The following GPHN variants were observed in gnomAD, a reference collection of about 807,000 sequenced individuals.
GPHN encodes gephyrin.
In GPHN, 17 loss-of-function variants were observed where a neutral mutation model predicts 95.5. The ratio of observed to expected loss-of-function variants is 0.18; its 90% CI spans 0.12 to 0.27. GPHN has a LOEUF of 0.27. GPHN is among the 10% of genes least tolerant of loss of function. The probability of loss-of-function intolerance (pLI) is 1.00; values close to 1 mark genes in which losing one functional copy is unlikely to be tolerated. For synonymous variants in GPHN, 320 were observed against 322.5 expected, an observed-to-expected ratio of 0.99 and a Z score of 0.08; for missense variants, 660 against 978.1, an observed-to-expected ratio of 0.67 and a Z score of 4.34.
chr14:66,851,055 A>C (rs1305993929), intron 4 of GPHN, among the ~76,000 whole-genome samples: 1 of 152,064 alleles, frequency 6.6e-6, no homozygotes, highest in Non-Finnish European at 1.5e-5. Context: ...ATTCTGCCTG[A>C]GGGACTTACT....
the GPHN span, among the ~76,000 whole-genome samples, chr14:67,655,281 TG>T: frequency 8.5e-5 from 13 of 152,058 alleles, no homozygotes; most frequent in Non-Finnish European, 1.8e-4. Flanking sequence ...AAGTTAAAAT[TG>T]CACTGCTGCA....
chr14:67,245,775 T>G, the GPHN span, among the ~76,000 whole-genome samples: 1 of 152,196 alleles, frequency 6.6e-6, no homozygotes, highest in Non-Finnish European at 1.5e-5. Flanking sequence ...ATTTTATATT[T>G]TGAGAAAGTC....
At chr14:66,576,497 A>G (rs952939809) in intron 1 of GPHN, among the ~76,000 whole-genome samples, 16 of 151,578 alleles carry the variant, frequency 1.1e-4, no homozygotes, top group African/African-American at 3.9e-4. Flanking sequence ...TTTTTTTTAA[A>G]TCTTGGAAAT....
the GPHN span, among the ~76,000 whole-genome samples, chr14:67,478,214 G>A: frequency 6.6e-6 from 1 of 152,174 alleles, no homozygotes. Context: ...TTCTTCTCAT[G>A]GCAAGGGCAG....
intron 1 of GPHN, among the ~76,000 whole-genome samples, chr14:66,641,352 A>G (rs1952070): frequency 0.31 from 47,237 of 152,082 alleles, 11,184 homozygotes; most frequent in African/African-American, 0.64. Context: ...CCAACACTCT[A>G]TAGTATATGA....
At chr14:66,578,691 G>T (rs1306212073) in intron 1 of GPHN, among the ~76,000 whole-genome samples, 3 of 135,538 alleles carry the variant, frequency 2.2e-5, no homozygotes, top group African/African-American at 5.6e-5. Flanking sequence ...AAAATTTCTT[G>T]CTCAAAGAAA....
the GPHN span, chr14:67,593,851 A>G: frequency 6.2e-7 from 1 of 1,612,370 alleles, no homozygotes; most frequent in East Asian, 2.2e-5. Flanking sequence ...TGCCAAGGGA[A>G]TCAATGATTA....
At chr14:67,295,502 AC>A in the GPHN span, among the ~76,000 whole-genome samples, 1 of 151,340 alleles carries the variant, frequency 6.6e-6, no homozygotes, top group East Asian at 1.9e-4. Context: ...AAAAAAAAAA[AC>A]TCTTGGAAAT....
chr14:67,631,546 C>T, the GPHN span, among the ~76,000 whole-genome samples: 1 of 151,270 alleles, frequency 6.6e-6, no homozygotes, highest in Non-Finnish European at 1.5e-5. Context: ...AACGATCCTC[C>T]TACTTTAGCC....
chr14:67,416,697 G>A, the GPHN span, among the ~76,000 whole-genome samples: 1 of 152,268 alleles, frequency 6.6e-6, no homozygotes, highest in Non-Finnish European at 1.5e-5. Context: ...AGCACGGACA[G>A]TGCCATGGGT....
intron 5 of GPHN, among the ~76,000 whole-genome samples, chr14:66,910,460 G>A (rs1026276494): frequency 1.3e-5 from 2 of 151,848 alleles, no homozygotes; most frequent in African/African-American, 4.8e-5. Flanking sequence ...AATGTAAATT[G>A]GTACAAACAC....
At chr14:67,585,719 C>T in the GPHN span, 1 of 1,261,826 alleles carries the variant, frequency 7.9e-7, no homozygotes, top group Non-Finnish European at 1.1e-6. Context: ...TTCTTCTCCT[C>T]TGTGGACTCA....
intron 8 of GPHN, among the ~76,000 whole-genome samples, chr14:66,958,245 CTT>C (rs1288427008): frequency 1.3e-5 from 2 of 151,800 alleles, no homozygotes; most frequent in East Asian, 1.9e-4. Context: ...TTTTTTGTCT[CTT>C]ATAACAGTTT....
the GPHN span, among the ~76,000 whole-genome samples, chr14:67,365,336 C>T: frequency 6.6e-6 from 1 of 152,138 alleles, no homozygotes; most frequent in Non-Finnish European, 1.5e-5. Context: ...CATTGGTAGG[C>T]CTGAATATGT....
chr14:66,656,538 AG>A, intron 1 of GPHN, among the ~76,000 whole-genome samples: 1 of 152,228 alleles, frequency 6.6e-6, no homozygotes, highest in Middle Eastern at 3.4e-3. Flanking sequence ...TACATATCAA[AG>A]GTTTATGGCA....
the GPHN span, chr14:67,650,640 C>T: frequency 1.4e-6 from 2 of 1,383,716 alleles, no homozygotes; most frequent in African/African-American, 2.8e-5. Flanking sequence ...CTTGTTCTCC[C>T]TGTCCCAGTG....
In GPHN at chr14:66,620,860, A is replaced by G. The variant is rs2063260517; in HGVS notation, c.65-60247A>G. On this transcript the variant is annotated intron_variant, in intron 1 of 22. Coordinates refer to ENST00000478722, the MANE Select transcript of GPHN (RefSeq NM_020806.5). ...AGCAACTTAGTTACTTCCTAGATAC[A>G]ATGGAGGTACAGGCATTGGGTAAAT... 2.0e-5 allele frequency among the ~76,000 whole-genome samples: 3 copies of G among 152,308 alleles called. 1 individual carries two copies. The South Asian group carries it at 6.2e-4, about 32-fold the overall frequency.
chr14:66,696,735 CT>C (rs1387399605), intron 2 of GPHN, among the ~76,000 whole-genome samples: 1 of 152,170 alleles, frequency 6.6e-6, no homozygotes, highest in Admixed American at 6.5e-5. Flanking sequence ...TTGTGGTCCC[CT>C]GAAAGGGTCT....
the GPHN span, among the ~76,000 whole-genome samples, chr14:67,492,298 G>A: frequency 3.0e-4 from 46 of 152,278 alleles, no homozygotes; most frequent in East Asian, 1.7e-3. Flanking sequence ...CCTGGCCGCC[G>A]TCCCAGAGTG....
Sources: allele counts gnomAD v4.1 joint callset (sites outside exome capture counted in the v4.1 genomes callset), GRCh38; gene constraint gnomAD v4.1.1; transcripts MANE v1.5; gene names NCBI Gene and HGNC (gene_info 2026-07-23, HGNC 2026-07-21).